Variants in AFAP1 observed in about 807,000 individuals in gnomAD.
AFAP1 encodes the protein actin filament-associated protein 1.
AFAP1 carries 75 observed loss-of-function variants against 93.9 expected under a neutral mutation model. The observed-to-expected ratio is 0.80, with a 90% CI of 0.66 to 0.97. The LOEUF (loss-of-function observed/expected upper bound fraction) is 0.97, where lower values mean the gene tolerates loss of function less well. AFAP1 is among the 50% of genes least tolerant of loss of function. The pLI is 0.00. For synonymous variants in AFAP1, 517 were observed against 430.7 expected (o/e 1.20, Z -2.48); for missense variants, 1,201 against 1,050.8 (o/e 1.14, Z -1.98).
chr4:7,827,275 C>T (rs1721507953), intron 6 of AFAP1, among the ~76,000 whole-genome samples: 1 of 152,028 alleles, frequency 6.6e-6, no homozygotes, highest in Admixed American at 6.6e-5. Context: ...GATGCAACTT[C>T]AAAAGGAGAG....
chr4:7,777,458 A>G (rs776555339), intron 14 of AFAP1: 2 of 152,228 alleles, frequency 1.3e-5, no homozygotes, highest in African/African-American at 2.4e-5. Flanking sequence ...GAACATGGCC[A>G]AGGACACTGC....
chr4:7,809,868 T>C, intron 8 of AFAP1, 105 bp from the exon 9 acceptor site: 1 of 1,376,674 alleles, frequency 7.3e-7, no homozygotes, highest in African/African-American at 1.5e-5. Context: ...GGCATTTTTT[T>C]CTTTTATTAA....
chr4:7,932,272 C>T lies in AFAP1; in HGVS notation c.-3+7384G>A, dbSNP rs186149749. ...AACACCCACATGATAAAACGAGGTCCTGCTTGGTTTTAAACTACTTGGTGA... is the reference window on the plus strand; with the variant it reads ...AACACCCACATGATAAAACGAGGTCTTGCTTGGTTTTAAACTACTTGGTGA... On this transcript the variant is annotated intron_variant, in intron 1 of 17. Coordinates refer to ENST00000420658, the MANE Select transcript of AFAP1 (RefSeq NM_001134647.2). Among the ~76,000 whole-genome samples the T allele has an allele frequency of 1.6e-3, 241 of 152,248 alleles. 2 individuals carry two copies. The highest frequency in any genetic ancestry group is 5.4e-3 in the African/African-American group (225 of 41,552).
At chr4:7,834,736 C>G (rs1235995693) in intron 6 of AFAP1, among the ~76,000 whole-genome samples, 3 of 152,240 alleles carry the variant, frequency 2.0e-5, no homozygotes, top group African/African-American at 7.2e-5. Flanking sequence ...GAGATCCAAG[C>G]TGTAGTCCAG....
intron 1 of AFAP1, among the ~76,000 whole-genome samples, chr4:7,917,211 G>GCTATCATTAC (rs1342241760): frequency 1.6e-4 from 25 of 152,170 alleles, no homozygotes; most frequent in Non-Finnish European, 7.3e-5. Flanking sequence ...GTTATCTTTA[G>GCTATCATTAC]CTATCATTAC....
intron 1 of AFAP1, among the ~76,000 whole-genome samples, chr4:7,873,106 G>C (rs1413669772): frequency 6.6e-6 from 1 of 150,726 alleles, no homozygotes; most frequent in Non-Finnish European, 1.5e-5. Context: ...AGCCGGGCGT[G>C]GTGGCATGTG....
At chr4:7,763,861 C>G (rs1356119342) in intron 17 of AFAP1, 70 bp from the exon 18 acceptor site, 2 of 1,489,106 alleles carry the variant, frequency 1.3e-6, no homozygotes, top group East Asian at 4.9e-5. Flanking sequence ...ACGCCACCAT[C>G]CACATTCAAC....
At chr4:7,895,875 T>A (rs1324915801) in intron 1 of AFAP1, among the ~76,000 whole-genome samples, 1 of 150,458 alleles carries the variant, frequency 6.6e-6, no homozygotes, top group Non-Finnish European at 1.5e-5. Flanking sequence ...TTTTTTTTTT[T>A]AAGACGGGAG....
chr4:7,870,141 C>A lies in AFAP1; in HGVS notation c.128-1422G>T, dbSNP rs116170385. ...TACTACCATTAGCCCTTTTTATACA[C>A]GGAGGAAACTGAAGTATAAAAAGCT... On this transcript the variant is annotated intron_variant, in intron 2 of 17. Coordinates refer to ENST00000420658, the MANE Select transcript of AFAP1 (RefSeq NM_001134647.2). Among the ~76,000 whole-genome samples, 1,465 of 152,238 alleles carry A rather than the reference C, an allele frequency of 9.6e-3. 24 individuals carry two copies. Among genetic ancestry groups the A allele is most frequent in the African/African-American group, 0.032 (1,318 of 41,528 alleles).
intron 6 of AFAP1, among the ~76,000 whole-genome samples, chr4:7,832,953 TAGG>T (rs762634442): frequency 6.6e-6 from 1 of 152,132 alleles, no homozygotes. Flanking sequence ...TAGCCTCATG[TAGG>T]AGAATGAAAC....
At chr4:7,818,956 T>C (rs1720717603) in intron 7 of AFAP1, 120 bp downstream of exon 7, 2 of 897,654 alleles carry the variant, frequency 2.2e-6, no homozygotes, top group African/African-American at 1.7e-5. Context: ...GAAGCACGAC[T>C]GCACTTTTTC....
chr4:7,808,022 T>C (rs1719679696), intron 9 of AFAP1, among the ~76,000 whole-genome samples: 1 of 152,208 alleles, frequency 6.6e-6, no homozygotes, highest in Non-Finnish European at 1.5e-5. Context: ...AGGTATCTTT[T>C]GGCATCTCAA....
intron 12 of AFAP1, among the ~76,000 whole-genome samples, chr4:7,784,440 CAA>C (rs1717075265): frequency 6.6e-6 from 1 of 152,144 alleles, no homozygotes; most frequent in South Asian, 2.1e-4. Flanking sequence ...CCTTTCAGGA[CAA>C]AGACAATCGC....
intron 3 of AFAP1, among the ~76,000 whole-genome samples, chr4:7,865,907 A>G (rs919311782): frequency 2.0e-5 from 3 of 152,144 alleles, no homozygotes; most frequent in East Asian, 3.9e-4. Context: ...GTTTTGTTTT[A>G]TTTTTTGAGA....
intron 1 of AFAP1, among the ~76,000 whole-genome samples, chr4:7,923,245 T>G (rs955246504): frequency 6.6e-6 from 1 of 152,220 alleles, no homozygotes; most frequent in Non-Finnish European, 1.5e-5. Flanking sequence ...AAATACAGGC[T>G]ATAGTATTCT....
chr4:7,921,734 T>A (rs990827879), intron 1 of AFAP1, among the ~76,000 whole-genome samples: 19 of 152,222 alleles, frequency 1.2e-4, no homozygotes, highest in Admixed American at 6.5e-5. Context: ...CAACTCAGCA[T>A]TGATTAATCC....
chr4:7,917,639 T>C (rs140014166), intron 1 of AFAP1, among the ~76,000 whole-genome samples: 130 of 152,268 alleles, frequency 8.5e-4, no homozygotes, highest in Admixed American at 1.2e-3. Flanking sequence ...AGCATGCACA[T>C]GAACCACGTA....
intron 3 of AFAP1, among the ~76,000 whole-genome samples, chr4:7,861,263 G>C (rs1560205570): frequency 6.6e-6 from 1 of 152,324 alleles, no homozygotes; most frequent in South Asian, 2.1e-4. Context: ...TCTAACTGAT[G>C]TATTTCAGCA....
intron 1 of AFAP1, among the ~76,000 whole-genome samples, chr4:7,906,470 C>T (rs1262045395): frequency 3.9e-5 from 6 of 152,148 alleles, no homozygotes; most frequent in Admixed American, 1.3e-4. Context: ...CCCCCTATTC[C>T]GGAGAAAAAT....
Sources: gnomAD v4.1 joint callset for allele counts (sites outside exome capture counted in the v4.1 genomes callset) on GRCh38, gnomAD v4.1.1 for gene constraint, MANE v1.5 for transcripts, NCBI Gene and HGNC (gene_info 2026-07-23, HGNC 2026-07-21) for gene names.